TRPC6: variants seen among roughly 807,000 people sequenced by gnomAD.
TRPC6 encodes the protein transient receptor potential cation channel subfamily C member 6, also known as short transient receptor potential channel 6.
In TRPC6, 55 loss-of-function variants were observed where a neutral mutation model predicts 90.7. The observed-to-expected ratio is 0.61, with a 90% CI of 0.49 to 0.76. The LOEUF (loss-of-function observed/expected upper bound fraction) is 0.76. Among genes scored for constraint, TRPC6 ranks in the 30% least tolerant of loss-of-function variants. The probability of loss-of-function intolerance (pLI) is 0.00; values close to 1 mark genes in which losing one functional copy is unlikely to be tolerated. For missense variants in TRPC6, 989 were observed against 1,122.7 expected (o/e 0.88, Z 1.70); for synonymous variants, 393 against 393.0 (o/e 1.00, Z 0.00).
intron 1 of TRPC6, among the ~76,000 whole-genome samples, chr11:101,518,993 C>T (rs1016470654): frequency 2.6e-5 from 4 of 152,096 alleles, no homozygotes; most frequent in African/African-American, 9.7e-5. Flanking sequence ...AAAATTAAAA[C>T]AATTGAATTC....
intron 1 of TRPC6, among the ~76,000 whole-genome samples, chr11:101,572,989 C>T (rs145894069): frequency 1.5e-5 from 2 of 136,824 alleles, no homozygotes; most frequent in African/African-American, 2.8e-5. Flanking sequence ...CACATGTACC[C>T]CAGAACTTAA....
At position 101,484,593 on chromosome 11, in the gene TRPC6, C is replaced by CTG. The variant is rs1431616173; in HGVS notation, c.1294-1429_1294-1428insCA. ...GTATTGTATCTCTCTCTCTCTCATGCTATGTGTGTGTGTGTGTGTGTGTGT... is the reference window on the plus strand; with the variant it reads ...GTATTGTATCTCTCTCTCTCTCATGCTGTATGTGTGTGTGTGTGTGTGTGTGT... On this transcript the variant is annotated intron_variant, in intron 4 of 12. Coordinates refer to ENST00000344327, the MANE Select transcript of TRPC6 (RefSeq NM_004621.6). 5.8e-3 allele frequency among the ~76,000 whole-genome samples: 510 copies of CTG among 87,284 alleles called. 2 individuals carry two copies. Among genetic ancestry groups the CTG allele is most frequent in the African/African-American group, 0.016 (396 of 24,084 alleles). 57.3% of individuals were successfully genotyped at this position (87,284 alleles called of 152,430 possible). A position where few individuals can be genotyped will look rare whatever the true frequency, so the allele number is the denominator to read the frequency against.
At chr11:101,546,920 A>G (rs1203734024) in intron 1 of TRPC6, among the ~76,000 whole-genome samples, 1 of 152,218 alleles carries the variant, frequency 6.6e-6, no homozygotes, top group Non-Finnish European at 1.5e-5. Flanking sequence ...GAATGTCAAA[A>G]TTATCAGGTG....
chr11:101,551,634 C>T (rs73577607), intron 1 of TRPC6, among the ~76,000 whole-genome samples: 3,958 of 152,080 alleles, frequency 0.026, 104 homozygotes, highest in African/African-American at 0.059. Context: ...CCCCCTCCCC[C>T]ACCAACAAAT....
At position 101,583,878 on chromosome 11, in the gene TRPC6, C is replaced by T. The variant is rs374678674; in HGVS notation, c.-375G>A. Reference sequence around the variant, plus strand: ...AAGAGTTACTATGTCAACAGAGACTCTCCAGCCCTCAGCTCCCGCCTTCAT... The same window carrying T: ...AAGAGTTACTATGTCAACAGAGACTTTCCAGCCCTCAGCTCCCGCCTTCAT... On this transcript the variant is annotated 5_prime_UTR_variant, in exon 1 of 13. Transcript: ENST00000344327. 4 of 193,988 alleles carry T rather than the reference C, an allele frequency of 2.1e-5. No individual in the cohort carries two copies. The highest frequency in any genetic ancestry group is 2.3e-5 in the African/African-American group (1 of 43,184). The allele number at this position is 193,988 out of a possible 1,614,324, so 12.0% of individuals were successfully genotyped here.
chr11:101,570,909 T>C (rs1244001819), intron 1 of TRPC6, among the ~76,000 whole-genome samples: 1 of 152,112 alleles, frequency 6.6e-6, no homozygotes, highest in African/African-American at 2.4e-5. Context: ...CCACAGCCAA[T>C]ATCATACTGA....
chr11:101,583,690 G>T lies in TRPC6; in HGVS notation c.-187C>A. ...CAAGTGGCTCGCCCACTGGCCCGGGGAAAAGTCACCACTTAAGGGGGTGCA... is the reference window on the plus strand; with the variant it reads ...CAAGTGGCTCGCCCACTGGCCCGGGTAAAAGTCACCACTTAAGGGGGTGCA... On this transcript the variant is annotated 5_prime_UTR_variant, in exon 1 of 13. Coordinates refer to ENST00000344327, the MANE Select transcript of TRPC6 (RefSeq NM_004621.6). The T allele has an allele frequency of 3.5e-6, 2 of 566,690 alleles. No individual in the cohort carries two copies. The highest frequency in any genetic ancestry group is 5.7e-6 in the Non-Finnish European group (2 of 349,230). The allele number at this position is 566,690 out of a possible 1,614,324, so 35.1% of individuals were successfully genotyped here. A position where few individuals can be genotyped will look rare whatever the true frequency, so the allele number is the denominator to read the frequency against.
At chr11:101,564,369 T>G (rs1428433947) in intron 1 of TRPC6, among the ~76,000 whole-genome samples, 4 of 152,216 alleles carry the variant, frequency 2.6e-5, no homozygotes, top group Non-Finnish European at 4.4e-5. Context: ...AATTTTTCCA[T>G]GGAATTTTTG....
chr11:101,453,678 T>C lies in TRPC6; in HGVS notation c.2616A>G (p.Ile872Met), dbSNP rs199555333. ...CGTTCACTTCATCACTCTCCTTATC[T>C]ATCTGGGCCTGCAGTACATATCTTT... ...LIKRYVLQAQ[I>M]DKESDEVNEG... Residue 872 changes from isoleucine (I) to methionine (M), a missense_variant, in exon 12 of 13, where the codon ATA (isoleucine) becomes ATG (methionine). Physicochemically the swap from Ile to Met is conservative, Grantham distance 10. This residue lies in a region of TRPC6 where 191 missense variants were observed against 196.7 expected (regional missense o/e 0.97). Transcript: ENST00000344327. The C allele has an allele frequency of 5.0e-6, 8 of 1,613,878 alleles. No homozygotes were observed. The highest frequency in any genetic ancestry group is 1.7e-5 in the Admixed American group (1 of 59,988).
chr11:101,488,457 T>G (rs953748836), intron 4 of TRPC6, among the ~76,000 whole-genome samples: 1 of 152,230 alleles, frequency 6.6e-6, no homozygotes, highest in African/African-American at 2.4e-5. Context: ...TTATTTAAGA[T>G]TTATCTGGTC....
At chr11:101,527,696 C>A (rs12800794) in intron 1 of TRPC6, among the ~76,000 whole-genome samples, 10,601 of 152,114 alleles carry the variant, frequency 0.07, 515 homozygotes, top group Middle Eastern at 0.1. Flanking sequence ...TAAAATAAAG[C>A]AACTAAATAA....
chr11:101,459,252 C>A (rs540269000), intron 10 of TRPC6, among the ~76,000 whole-genome samples: 1 of 152,090 alleles, frequency 6.6e-6, no homozygotes, highest in Non-Finnish European at 1.5e-5. Context: ...GGAAGTGGAA[C>A]GGGAGAAGGC....
At chr11:101,468,760 GTTTAA>G (rs1859210925) in intron 10 of TRPC6, among the ~76,000 whole-genome samples, 2 of 152,186 alleles carry the variant, frequency 1.3e-5, no homozygotes, top group African/African-American at 2.4e-5. Context: ...CAAATGTCTT[GTTTAA>G]ACCACCATGA....
At chr11:101,465,425 A>T (rs184747433) in intron 10 of TRPC6, among the ~76,000 whole-genome samples, 35 of 152,204 alleles carry the variant, frequency 2.3e-4, no homozygotes, top group African/African-American at 7.2e-4. Flanking sequence ...CTGGTACACT[A>T]ATCTAATGTA....
chr11:101,513,728 T>C (rs10895126), intron 1 of TRPC6, among the ~76,000 whole-genome samples: 74,367 of 151,976 alleles, frequency 0.49, 18,552 homozygotes, highest in African/African-American at 0.55. Context: ...AAAAATTAAC[T>C]TGTAACTAAG....
chr11:101,484,593 CTA>C (rs1211134257), intron 4 of TRPC6, among the ~76,000 whole-genome samples: 25 of 87,284 alleles, frequency 2.9e-4, no homozygotes, highest in African/African-American at 9.6e-4. Context: ...CTCTCTCATG[CTA>C]TGTGTGTGTG....
intron 1 of TRPC6, among the ~76,000 whole-genome samples, chr11:101,557,123 AG>A (rs1328532086): frequency 1.3e-5 from 2 of 152,170 alleles, no homozygotes; most frequent in African/African-American, 4.8e-5. Flanking sequence ...TGGGAGGCTG[AG>A]GTAGGCAGAT....
At chr11:101,492,253 A>T (rs938165613) in intron 2 of TRPC6, among the ~76,000 whole-genome samples, 1 of 152,254 alleles carries the variant, frequency 6.6e-6, no homozygotes, top group African/African-American at 2.4e-5. Context: ...ACCCTCAAAA[A>T]GGAAATTTAT....
chr11:101,488,139 G>C (rs1029178683), intron 4 of TRPC6, among the ~76,000 whole-genome samples: 1 of 152,170 alleles, frequency 6.6e-6, no homozygotes, highest in Admixed American at 6.5e-5. Flanking sequence ...ATTTCAATCT[G>C]CCTCTCAGAG....
Sources: gnomAD v4.1 joint callset for allele counts (sites outside exome capture counted in the v4.1 genomes callset) on GRCh38, gnomAD v4.1.1 for gene constraint, gnomAD v4.1.1 regional missense constraint, MANE v1.5 for transcripts, NCBI Gene and HGNC (gene_info 2026-07-23, HGNC 2026-07-21) for gene names.